STK3: variants seen among roughly 807,000 people sequenced by gnomAD.
STK3 encodes serine/threonine-protein kinase 3.
In STK3, 41 loss-of-function variants were observed where a neutral mutation model predicts 58.0. The ratio of observed to expected loss-of-function variants is 0.71; its 90% CI spans 0.55 to 0.92. STK3 has a LOEUF of 0.92. Ranked by LOEUF, STK3 falls within the 40% of genes least tolerant of loss-of-function variation. The probability of loss-of-function intolerance (pLI) is 0.00; values close to 1 mark genes in which losing one functional copy is unlikely to be tolerated. For missense variants in STK3, 479 were observed against 602.7 expected, an observed-to-expected ratio of 0.79 and a Z score of 2.15; for synonymous variants, 170 against 191.0, an observed-to-expected ratio of 0.89 and a Z score of 0.91.
At chr8:98,928,719 C>T (rs955645689) in intron 1 of STK3, among the ~76,000 whole-genome samples, 2 of 152,328 alleles carry the variant, frequency 1.3e-5, no homozygotes, top group South Asian at 2.1e-4. Flanking sequence ...TTCTACAATA[C>T]TGGTATTACC....
intron 4 of STK3, 142 bp from the exon 5 acceptor site, chr8:98,707,453 A>T (rs1402028353): frequency 9.6e-6 from 6 of 624,944 alleles, no homozygotes; most frequent in Admixed American, 3.5e-5. Flanking sequence ...CCCAGGCTAC[A>T]GTGCAGTGGT....
chr8:98,588,845 A>T (rs946631249), intron 7 of STK3, among the ~76,000 whole-genome samples: 2 of 151,160 alleles, frequency 1.3e-5, no homozygotes, highest in African/African-American at 4.9e-5. Flanking sequence ...CATTTCACTC[A>T]TTTCATCTTC....
intron 4 of STK3, among the ~76,000 whole-genome samples, chr8:98,737,753 G>A (rs1196461074): frequency 1.3e-5 from 2 of 151,950 alleles, no homozygotes; most frequent in African/African-American, 4.8e-5. Context: ...TTTCGCCTAG[G>A]CTAGACTGCA....
At chr8:98,641,523 T>C (rs1048178395) in intron 6 of STK3, among the ~76,000 whole-genome samples, 4 of 152,210 alleles carry the variant, frequency 2.6e-5, no homozygotes, top group Non-Finnish European at 4.4e-5. Context: ...ACTGTTCTAG[T>C]GCTTAACATA....
chr8:98,652,260 C>A (rs933448330), intron 6 of STK3, among the ~76,000 whole-genome samples: 35 of 152,072 alleles, frequency 2.3e-4, no homozygotes, highest in South Asian at 8.3e-4. Flanking sequence ...GAAATAAAAT[C>A]CTTTACAGAA....
At chr8:98,730,389 T>A (rs982133116) in intron 4 of STK3, among the ~76,000 whole-genome samples, 1 of 152,138 alleles carries the variant, frequency 6.6e-6, no homozygotes, top group Non-Finnish European at 1.5e-5. Context: ...AGTGAAAATG[T>A]CTCTTATATA....
Position 98,428,506 on chromosome 8 carries a change from C to T in STK3, n.483+5621G>A, listed in dbSNP as rs750851877. The T allele has an allele frequency of 1.9e-6, 3 of 1,613,492 alleles. No homozygotes were observed. Among genetic ancestry groups the T allele is most frequent in the South Asian group, 2.2e-5 (2 of 91,086 alleles). ...AACTTCCGCAGGCAGCTGTGGCTGG[C>T]GCTGGACAACCCCGGCTACTCAGTG... On this transcript the variant is annotated intron_variant and non_coding_transcript_variant, in intron 3 of 3. Coordinates refer to the STK3 transcript ENST00000517832. The surrounding 1 kb of genome is among the most constrained non-coding windows in gnomAD (Gnocchi z 6.7).
intron 4 of STK3, among the ~76,000 whole-genome samples, chr8:98,710,024 G>C (rs1189299189): frequency 1.3e-5 from 2 of 151,738 alleles, no homozygotes; most frequent in African/African-American, 2.4e-5. Context: ...AGAGCAATTA[G>C]GGAAGAAAAA....
chr8:98,685,454 C>A (rs559236077), intron 6 of STK3, among the ~76,000 whole-genome samples: 1 of 152,262 alleles, frequency 6.6e-6, no homozygotes, highest in African/African-American at 2.4e-5. Flanking sequence ...TGTTTATTCT[C>A]TTCACTTGTT....
At chr8:98,761,400 T>C (rs749475684) in intron 3 of STK3, among the ~76,000 whole-genome samples, 2 of 152,102 alleles carry the variant, frequency 1.3e-5, no homozygotes, top group East Asian at 3.8e-4. Context: ...GCAAGGATTA[T>C]AGGCATGAGC....
At chr8:98,408,631 A>T (rs1818023307) in intron 3 of STK3, among the ~76,000 whole-genome samples, 1 of 152,212 alleles carries the variant, frequency 6.6e-6, no homozygotes, top group South Asian at 2.1e-4. Context: ...AGTTTAGGCA[A>T]TCATTTGTAT....
intron 6 of STK3, among the ~76,000 whole-genome samples, chr8:98,616,424 T>C (rs1281073085): frequency 1.4e-5 from 2 of 147,672 alleles, no homozygotes. Flanking sequence ...AATAACCAGC[T>C]AACATCATCA....
At chr8:98,574,672 G>C (rs1030489957) in intron 8 of STK3, among the ~76,000 whole-genome samples, 1 of 152,198 alleles carries the variant, frequency 6.6e-6, no homozygotes, top group African/African-American at 2.4e-5. Context: ...ATAGCACAGA[G>C]ATGCACGAAA....
At chr8:98,927,030 C>A (rs1377861395) in intron 1 of STK3, among the ~76,000 whole-genome samples, 1 of 152,182 alleles carries the variant, frequency 6.6e-6, no homozygotes, top group African/African-American at 2.4e-5. Flanking sequence ...TAGCTCTATG[C>A]AGAGCCAGGA....
chr8:98,858,551 A>G (rs1836803007), intron 3 of STK3, among the ~76,000 whole-genome samples: 1 of 150,866 alleles, frequency 6.6e-6, no homozygotes, highest in African/African-American at 2.4e-5. Context: ...AGACTTAATC[A>G]TTATTTTCCC....
At chr8:98,571,728 TA>T (rs1449825933) in intron 8 of STK3, among the ~76,000 whole-genome samples, 4 of 152,236 alleles carry the variant, frequency 2.6e-5, no homozygotes, top group African/African-American at 9.6e-5. Context: ...TTTCTTCAGA[TA>T]AAAGTAAAGG....
intron 9 of STK3, among the ~76,000 whole-genome samples, chr8:98,538,619 T>C (rs1050004819): frequency 5.9e-5 from 9 of 152,218 alleles, no homozygotes; most frequent in Admixed American, 2.6e-4. Flanking sequence ...GGAGTTCCTG[T>C]GCGAGTAATG....
At chr8:98,796,388 G>C (rs1833166068) in intron 1 of STK3, among the ~76,000 whole-genome samples, 1 of 152,134 alleles carries the variant, frequency 6.6e-6, no homozygotes, top group South Asian at 2.1e-4. Context: ...AAGCAATAGG[G>C]AAAGGACTCC....
At chr8:98,491,601 C>T (rs978446789) in intron 10 of STK3, among the ~76,000 whole-genome samples, 1 of 151,932 alleles carries the variant, frequency 6.6e-6, no homozygotes, top group African/African-American at 2.4e-5. Context: ...CCACTGCACC[C>T]GGCTAATTTT....
Sources: allele counts gnomAD v4.1 joint callset (sites outside exome capture counted in the v4.1 genomes callset), GRCh38; gene constraint gnomAD v4.1.1; non-coding constraint Gnocchi (gnomAD v3.1); transcripts MANE v1.5; gene names NCBI Gene and HGNC (gene_info 2026-07-23, HGNC 2026-07-21).